The following CSMD1 variants were observed in gnomAD, a reference collection of about 807,000 sequenced individuals.
The protein encoded by CSMD1 is CUB and sushi domain-containing protein 1.
Under a neutral mutation model 417.5 loss-of-function variants are expected in CSMD1, and 213 were observed. That is an observed-to-expected ratio of 0.51 (90% CI 0.46 to 0.57). CSMD1 has a LOEUF of 0.57. Among genes scored for constraint, CSMD1 ranks in the 20% least tolerant of loss-of-function variants. The probability of loss-of-function intolerance (pLI) is 0.00; values close to 1 mark genes in which losing one functional copy is unlikely to be tolerated. For missense variants in CSMD1, 6,923 were observed against 4,529.7 expected (o/e 1.53, Z -15.17); for synonymous variants, 2,862 against 1,736.8 (o/e 1.65, Z -16.11).
At chr8:3,826,630 A>T (rs1263751106) in intron 5 of CSMD1, among the ~76,000 whole-genome samples, 1 of 152,072 alleles carries the variant, frequency 6.6e-6, no homozygotes, top group East Asian at 1.9e-4. Flanking sequence ...TGAGTATTAC[A>T]TCTGGATTCT....
chr8:4,011,968 A>G (rs917766154), intron 4 of CSMD1, among the ~76,000 whole-genome samples: 19 of 152,110 alleles, frequency 1.2e-4, no homozygotes, highest in African/African-American at 4.6e-4. Context: ...TTATAATACC[A>G]AATATAAATG....
At chr8:4,187,689 A>AAAAAAAT (rs1351861175) in intron 3 of CSMD1, among the ~76,000 whole-genome samples, 1 of 151,586 alleles carries the variant, frequency 6.6e-6, no homozygotes, top group Non-Finnish European at 1.5e-5. Flanking sequence ...AAAAAAAAAA[A>AAAAAAAT]AAAAAGCATT....
chr8:3,963,729 GCAAAA>G (rs915826508), intron 5 of CSMD1, among the ~76,000 whole-genome samples: 2 of 152,068 alleles, frequency 1.3e-5, no homozygotes, highest in African/African-American at 2.4e-5. Flanking sequence ...AATTTTGATA[GCAAAA>G]CAAAAGCTAT....
intron 3 of CSMD1, among the ~76,000 whole-genome samples, chr8:4,136,135 G>C (rs371474080): frequency 6.6e-6 from 1 of 152,144 alleles, no homozygotes; most frequent in African/African-American, 2.4e-5. Flanking sequence ...CTCTCAAAAA[G>C]AACTGCTATA....
chr8:4,504,015 G>C (rs748274928), intron 2 of CSMD1, among the ~76,000 whole-genome samples: 4 of 151,606 alleles, frequency 2.6e-5, no homozygotes, highest in South Asian at 2.1e-4. Flanking sequence ...ATGTCAAAGA[G>C]GTTATCTGTG....
chr8:3,033,989 C>T (rs992041552), intron 50 of CSMD1, among the ~76,000 whole-genome samples: 6 of 152,126 alleles, frequency 3.9e-5, no homozygotes, highest in East Asian at 1.9e-4. Flanking sequence ...TCAGACCACC[C>T]CCTAGTCGGG....
At chr8:4,039,195 G>T (rs892655018) in intron 3 of CSMD1, among the ~76,000 whole-genome samples, 2 of 152,134 alleles carry the variant, frequency 1.3e-5, no homozygotes, top group Non-Finnish European at 2.9e-5. Flanking sequence ...CTGGAATCTA[G>T]GTCCCTTAGG....
rs1449015721 is a variant in CSMD1 at position 3,615,321 on chromosome 8, G to C, written c.1097+1389C>G. ...TCGCCATGGAAACAGACTGAAGTGAGTCTCCAGTAAAAACATCCTTCTGCT... is the reference window on the plus strand; with the variant it reads ...TCGCCATGGAAACAGACTGAAGTGACTCTCCAGTAAAAACATCCTTCTGCT... On this transcript the variant is annotated intron_variant, in intron 8 of 69. Transcript: ENST00000635120. Among the ~76,000 whole-genome samples, 3 of 152,228 alleles carry C rather than the reference G, an allele frequency of 2.0e-5. No homozygotes were observed. In the East Asian group the frequency reaches 5.8e-4, roughly 29 times the overall value.
At chr8:4,386,067 C>G (rs977703646) in intron 3 of CSMD1, among the ~76,000 whole-genome samples, 3 of 152,174 alleles carry the variant, frequency 2.0e-5, no homozygotes, top group African/African-American at 7.2e-5. Context: ...CTCTGTGATA[C>G]CTTCTTGTGT....
intron 1 of CSMD1, among the ~76,000 whole-genome samples, chr8:4,878,277 T>G (rs1335330631): frequency 1.3e-5 from 2 of 152,112 alleles, no homozygotes; most frequent in Non-Finnish European, 2.9e-5. Context: ...TGGTGCTTTC[T>G]TGACCAACTT....
intron 37 of CSMD1, among the ~76,000 whole-genome samples, chr8:3,174,229 C>A (rs772767398): frequency 6.6e-6 from 1 of 152,200 alleles, no homozygotes; most frequent in Non-Finnish European, 1.5e-5. Context: ...CACAGTGGCT[C>A]AAGCCTGTAA....
chr8:4,397,976 G>A (rs557604731), intron 3 of CSMD1, among the ~76,000 whole-genome samples: 1 of 152,242 alleles, frequency 6.6e-6, no homozygotes, highest in East Asian at 1.9e-4. Flanking sequence ...CTACTGAAAA[G>A]ACTTAGATGA....
intron 5 of CSMD1, among the ~76,000 whole-genome samples, chr8:3,872,839 C>CA (rs59622954): frequency 0.34 from 44,479 of 131,050 alleles, 6,917 homozygotes; most frequent in East Asian, 0.46. Context: ...AAGACAGCTC[C>CA]AAAAAAAAAA....
At chr8:4,341,669 C>A (rs1244967220) in intron 3 of CSMD1, among the ~76,000 whole-genome samples, 1 of 152,096 alleles carries the variant, frequency 6.6e-6, no homozygotes, top group Non-Finnish European at 1.5e-5. Context: ...CATCTTTCAG[C>A]AAAGCGACGC....
In CSMD1 at chr8:3,776,807, G is replaced by GATATATAGATATATATATATAT. The variant is rs1371493777; in HGVS notation, c.819-22766_819-22765insATATATATATATATCTATATAT. Among the ~76,000 whole-genome samples, 47 of 139,984 alleles carry GATATATAGATATATATATATAT rather than the reference G, an allele frequency of 3.4e-4. 1 individual carries two copies. The highest frequency in any genetic ancestry group is 1.1e-3 in the African/African-American group (38 of 35,094). 91.8% of individuals were successfully genotyped at this position (139,984 alleles called of 152,430 possible). On this transcript the variant is annotated intron_variant, in intron 5 of 69. Coordinates refer to ENST00000635120, the MANE Select transcript of CSMD1 (RefSeq NM_033225.6). ...GTGATAGATAGTGACATATAGACGA[G>GATATATAGATATATATATATAT]ATATATATATATATATACAGATGAC...
chr8:3,055,429 A>G (rs1812150065), intron 49 of CSMD1, among the ~76,000 whole-genome samples: 1 of 152,206 alleles, frequency 6.6e-6, no homozygotes, highest in Non-Finnish European at 1.5e-5. Context: ...CAAAAGTAGA[A>G]TTATAACACT....
chr8:4,902,197 G>A (rs1367117479), intron 1 of CSMD1, among the ~76,000 whole-genome samples: 2 of 151,834 alleles, frequency 1.3e-5, no homozygotes, highest in Non-Finnish European at 2.9e-5. Context: ...ATCACTTGAA[G>A]CCAAGAGTTT....
chr8:4,356,128 C>G (rs960636803), intron 3 of CSMD1, among the ~76,000 whole-genome samples: 15 of 152,132 alleles, frequency 9.9e-5, no homozygotes, highest in African/African-American at 3.6e-4. Context: ...CCCTCAAGTT[C>G]CCAAAGTCCA....
chr8:4,490,890 G>A (rs1427377866), intron 2 of CSMD1, among the ~76,000 whole-genome samples: 2 of 152,348 alleles, frequency 1.3e-5, no homozygotes, highest in East Asian at 3.9e-4. Context: ...ACAAAGCACA[G>A]CAGTGGTTTC....
Sources: allele counts gnomAD v4.1 joint callset (sites outside exome capture counted in the v4.1 genomes callset), GRCh38; gene constraint gnomAD v4.1.1; transcripts MANE v1.5; gene names NCBI Gene and HGNC (gene_info 2026-07-23, HGNC 2026-07-21).